Variants in PEPD observed in about 807,000 individuals in gnomAD.
PEPD encodes peptidase D.
Under a neutral mutation model 60.7 loss-of-function variants are expected in PEPD, and 53 were observed. The observed-to-expected ratio is 0.87, with a 90% confidence interval of 0.70 to 1.10. The LOEUF is 1.10. Ranked by LOEUF, PEPD falls within the 50% of genes least tolerant of loss-of-function variation. The pLI, the probability that PEPD is intolerant of heterozygous loss-of-function variation, is 0.00. For missense variants in PEPD, 711 were observed against 711.9 expected, an observed-to-expected ratio of 1.00 and a Z score of 0.01; for synonymous variants, 267 against 284.1, an observed-to-expected ratio of 0.94 and a Z score of 0.60.
At chr19:33,421,763 G>T (rs190339055) in intron 9 of PEPD, among the ~76,000 whole-genome samples, 3 of 152,180 alleles carry the variant, frequency 2.0e-5, no homozygotes, top group Non-Finnish European at 4.4e-5. Flanking sequence ...CCAAAGGTCC[G>T]GTATTACAGG....
At chr19:33,463,880 G>C in intron 8 of PEPD, 107 bp downstream of exon 8, 3 of 754,316 alleles carry the variant, frequency 4.0e-6, no homozygotes, top group Non-Finnish European at 7.1e-6. Context: ...CTCTCACTTG[G>C]CCCTCAGGGA....
intron 9 of PEPD, among the ~76,000 whole-genome samples, chr19:33,439,257 C>G (rs1359232122): frequency 6.6e-6 from 1 of 152,244 alleles, no homozygotes; most frequent in Non-Finnish European, 1.5e-5. Context: ...CCACTAGCAC[C>G]TTAGTCCTGT....
At chr19:33,492,964 A>C (rs1970529058) in intron 5 of PEPD, among the ~76,000 whole-genome samples, 1 of 151,656 alleles carries the variant, frequency 6.6e-6, no homozygotes, top group African/African-American at 2.4e-5. Flanking sequence ...GCAGCCTCAA[A>C]CTCCTGGGCT....
intron 7 of PEPD, among the ~76,000 whole-genome samples, chr19:33,471,265 C>G (rs532638666): frequency 3.3e-5 from 5 of 152,128 alleles, no homozygotes; most frequent in Non-Finnish European, 7.4e-5. Flanking sequence ...ACCAATTATC[C>G]GTAGGGCACT....
intron 9 of PEPD, among the ~76,000 whole-genome samples, chr19:33,456,487 A>C (rs1021590644): frequency 1.2e-4 from 19 of 152,146 alleles, no homozygotes; most frequent in Admixed American, 3.9e-4. Context: ...CCCGTCTCCA[A>C]CAGCCAAGCA....
intron 1 of PEPD, among the ~76,000 whole-genome samples, chr19:33,516,266 C>A (rs996593765): frequency 6.6e-6 from 1 of 152,156 alleles, no homozygotes; most frequent in African/African-American, 2.4e-5. Flanking sequence ...AAATGTAGCA[C>A]CAACAAAACA....
At chr19:33,465,405 G>A (rs1600138212) in intron 7 of PEPD, among the ~76,000 whole-genome samples, 1 of 152,114 alleles carries the variant, frequency 6.6e-6, no homozygotes, top group East Asian at 1.9e-4. Context: ...CCTGTAAGTT[G>A]CAGTGGATGC....
intron 9 of PEPD, among the ~76,000 whole-genome samples, chr19:33,443,786 GCATGCACA>G (rs2145238141): frequency 6.6e-6 from 1 of 152,340 alleles, no homozygotes; most frequent in African/African-American, 2.4e-5. Flanking sequence ...ACGCACATGC[GCATGCACA>G]CAAGCACACA....
intron 6 of PEPD, among the ~76,000 whole-genome samples, chr19:33,478,608 T>C (rs930220394): frequency 3.9e-5 from 6 of 152,090 alleles, no homozygotes; most frequent in African/African-American, 1.4e-4. Context: ...GATCCTCAAT[T>C]AGATTATTAG....
At chr19:33,409,304 C>T (rs988905073) in intron 11 of PEPD, among the ~76,000 whole-genome samples, 7 of 152,234 alleles carry the variant, frequency 4.6e-5, no homozygotes, top group East Asian at 1.9e-4. Context: ...TGGCCTCTGC[C>T]GTGAGACTGG....
intron 6 of PEPD, among the ~76,000 whole-genome samples, chr19:33,487,749 A>G (rs554139124): frequency 6.6e-6 from 1 of 152,100 alleles, no homozygotes; most frequent in Non-Finnish European, 1.5e-5. Flanking sequence ...CTCTCCAAAA[A>G]GTGTCCCAGT....
At chr19:33,418,081 T>C (rs1968928943) in intron 9 of PEPD, among the ~76,000 whole-genome samples, 1 of 152,336 alleles carries the variant, frequency 6.6e-6, no homozygotes, top group Admixed American at 6.5e-5. Flanking sequence ...GGTCCCCGCC[T>C]TCCCGGGGTG....
chr19:33,411,037 G>T (rs1467774993), intron 11 of PEPD, among the ~76,000 whole-genome samples: 1 of 152,146 alleles, frequency 6.6e-6, no homozygotes, highest in Non-Finnish European at 1.5e-5. Flanking sequence ...GGGTAGGACT[G>T]CAAGTCCTCC....
intron 12 of PEPD, among the ~76,000 whole-genome samples, chr19:33,399,662 G>A (rs1487732922): frequency 6.6e-6 from 1 of 152,192 alleles, no homozygotes; most frequent in African/African-American, 2.4e-5. Context: ...GCCGGCGATC[G>A]AGGCTGCAAC....
chr19:33,512,537 C>A, intron 2 of PEPD, 56 bp downstream of exon 2: 1 of 1,558,034 alleles, frequency 6.4e-7, no homozygotes, highest in South Asian at 1.1e-5. Flanking sequence ...AACTCCTGCT[C>A]AGGACAGCAG....
Position 33,463,987 on chromosome 19 carries a change from C to G in PEPD, c.624G>C (p.Glu208Asp). 1 of 1,606,590 alleles carries G rather than the reference C, an allele frequency of 6.2e-7. No individual in the cohort carries two copies. The highest frequency in any genetic ancestry group is 2.2e-5 in the East Asian group (1 of 44,810). The change falls in exon 8 of 15, where the codon GAG (glutamate) becomes GAC (aspartate). Residue 208 changes from glutamate (E) to aspartate (D), a missense_variant and splice_region_variant. Physicochemically the swap from Glu to Asp is conservative, Grantham distance 45. Transcript: ENST00000244137. ...TNKISSEAHR[E>D]VMKAVKVGMK... ...CAACCAGAGCCGGTGCCTGACTTAC[C>G]TCACGGTGGGCCTCGCTGGAGATTT...
At chr19:33,499,791 G>A (rs1037327181) in intron 4 of PEPD, among the ~76,000 whole-genome samples, 4 of 152,214 alleles carry the variant, frequency 2.6e-5, no homozygotes, top group South Asian at 4.1e-4. Flanking sequence ...GCAGGGCTGG[G>A]CACATGGTAC....
At chr19:33,418,552 C>G (rs34977092) in intron 9 of PEPD, among the ~76,000 whole-genome samples, 19,416 of 152,224 alleles carry the variant, frequency 0.13, 1,612 homozygotes, top group Non-Finnish European at 0.19. Flanking sequence ...TCTGGGGTGA[C>G]CAGTGGGTCA....
chr19:33,519,764 T>C (rs1441521111), intron 1 of PEPD, among the ~76,000 whole-genome samples: 1 of 152,140 alleles, frequency 6.6e-6, no homozygotes, highest in African/African-American at 2.4e-5. Context: ...TCGGTTCTGC[T>C]AGAAAAGCTC....
Sources: gnomAD v4.1 joint callset for allele counts (sites outside exome capture counted in the v4.1 genomes callset) on GRCh38, gnomAD v4.1.1 for gene constraint, MANE v1.5 for transcripts, NCBI Gene and HGNC (gene_info 2026-07-23, HGNC 2026-07-21) for gene names.